SERINC3: variants seen among roughly 807,000 people sequenced by gnomAD.
The protein encoded by SERINC3 is tumor differentially expressed protein 1.
Under a neutral mutation model 52.1 loss-of-function variants are expected in SERINC3, and 22 were observed. The observed-to-expected ratio is 0.42, with a 90% CI of 0.30 to 0.60. SERINC3 has a LOEUF of 0.60. Ranked by LOEUF, SERINC3 falls within the 20% of genes least tolerant of loss-of-function variation. The pLI is 0.16. For synonymous variants in SERINC3, 226 were observed against 212.7 expected, an observed-to-expected ratio of 1.06 and a Z score of -0.54; for missense variants, 564 against 584.6, an observed-to-expected ratio of 0.96 and a Z score of 0.36.
rs2064265694 is a variant in SERINC3 at position 44,499,319 on chromosome 20, T to C, written c.*977A>G. On this transcript the variant is annotated 3_prime_UTR_variant, in exon 10 of 10. Coordinates refer to ENST00000342374, the MANE Select transcript of SERINC3 (RefSeq NM_006811.4). ...AAGTGTCTTACCTAGAGAAGGTATT[T>C]AGGACTTTTGAATAAATTCAAGACT... 6.6e-6 allele frequency: 1 copy of C among 152,374 alleles called. No individual in the cohort carries two copies. The highest frequency in any genetic ancestry group is 1.5e-5 in the Non-Finnish European group (1 of 68,036). The allele number at this position is 152,374 out of a possible 1,614,324, so 9.4% of individuals were successfully genotyped here. A position where few individuals can be genotyped will look rare whatever the true frequency, so the allele number is the denominator to read the frequency against.
At chr20:44,520,494 T>C (rs2064409184) in intron 1 of SERINC3, among the ~76,000 whole-genome samples, 1 of 152,312 alleles carries the variant, frequency 6.6e-6, no homozygotes, top group East Asian at 1.9e-4. Context: ...CCAAGTGAAT[T>C]AATACAGAAA....
intron 8 of SERINC3, among the ~76,000 whole-genome samples, chr20:44,502,880 A>G (rs991421374): frequency 1.3e-5 from 2 of 152,166 alleles, no homozygotes; most frequent in African/African-American, 4.8e-5. Flanking sequence ...TACAGGCATG[A>G]GCCACCATGC....
At position 44,512,923 on chromosome 20, in the gene SERINC3, C is replaced by T; in HGVS notation, c.273G>A (p.Val91=). The T allele has an allele frequency of 6.4e-7, 1 of 1,561,822 alleles. No homozygotes were observed. Among genetic ancestry groups the T allele is most frequent in the Non-Finnish European group, 8.6e-7 (1 of 1,162,510 alleles). Reference sequence around the variant, plus strand: ...GATACACAGCTTTATAACCAACCAGCACATCACAATCTTTATCTGCATTTA... The same window carrying T: ...GATACACAGCTTTATAACCAACCAGTACATCACAATCTTTATCTGCATTTA... ...ADINADKDCD[V]LVGYKAVYRI... Residue 91 remains valine, a synonymous_variant, in exon 3 of 10, where the codon GTG becomes GTA. Coordinates refer to ENST00000342374, the MANE Select transcript of SERINC3 (RefSeq NM_006811.4).
At chr20:44,514,526 G>A (rs904532725) in intron 1 of SERINC3, among the ~76,000 whole-genome samples, 4 of 152,288 alleles carry the variant, frequency 2.6e-5, no homozygotes, top group Admixed American at 6.5e-5. Context: ...TTGGGAGGCC[G>A]AGGCGGGTGG....
chr20:44,513,678 C>T (rs567568492), intron 2 of SERINC3, among the ~76,000 whole-genome samples: 7 of 152,150 alleles, frequency 4.6e-5, no homozygotes, highest in Admixed American at 3.3e-4. Context: ...CTCAGTTGTT[C>T]GACTGGAGCC....
intron 8 of SERINC3, among the ~76,000 whole-genome samples, chr20:44,503,365 A>G (rs1361667734): frequency 2.6e-5 from 4 of 152,166 alleles, no homozygotes; most frequent in Non-Finnish European, 5.9e-5. Context: ...AACTTACTAC[A>G]GGCTGGGCAT....
At chr20:44,511,658 C>T (rs181663277) in intron 3 of SERINC3, among the ~76,000 whole-genome samples, 88 of 152,306 alleles carry the variant, frequency 5.8e-4, no homozygotes, top group African/African-American at 2.0e-3. Flanking sequence ...ATTTTTCTAG[C>T]ATTCTGGGAG....
chr20:44,500,916 T>A (rs1279399173), intron 9 of SERINC3, among the ~76,000 whole-genome samples, 157 bp downstream of exon 9: 4 of 152,138 alleles, frequency 2.6e-5, no homozygotes, highest in Non-Finnish European at 5.9e-5. Context: ...AGAATTCCAA[T>A]GGGTTTTAAA....
chr20:44,521,640 G>A (rs2064417193), intron 1 of SERINC3, among the ~76,000 whole-genome samples: 1 of 152,236 alleles, frequency 6.6e-6, no homozygotes, highest in South Asian at 2.1e-4. Flanking sequence ...AGCTCCAGAG[G>A]AACCTAGTCA....
rs1044673910 is a variant in SERINC3 at position 44,498,080 on chromosome 20, G to A, written c.*2216C>T. 2 of 152,190 alleles carry A rather than the reference G, an allele frequency of 1.3e-5. No homozygotes were observed. Among genetic ancestry groups the A allele is most frequent in the African/African-American group, 2.4e-5 (1 of 41,444 alleles). The allele number at this position is 152,190 out of a possible 1,614,324, so 9.4% of individuals were successfully genotyped here. On this transcript the variant is annotated 3_prime_UTR_variant, in exon 10 of 10. Coordinates refer to ENST00000342374, the MANE Select transcript of SERINC3 (RefSeq NM_006811.4). ...AGTTTGATAGCCAGAAAACGGCAAA[G>A]CTGGGATGCAAACCCAAGCAGTCTG... is the stretch of plus-strand genomic sequence containing the variant.
chr20:44,500,501 C>T, intron 9 of SERINC3, 67 bp from the exon 10 acceptor site: 13 of 1,532,400 alleles, frequency 8.5e-6, no homozygotes, highest in Admixed American at 2.0e-5. Flanking sequence ...CCTCCTGCAG[C>T]CCCCCAGCCA....
rs182390878 is a variant in SERINC3, at chr20:44,519,137, C to G, written c.39+2776G>C. On this transcript the variant is annotated intron_variant, in intron 1 of 9. Coordinates refer to ENST00000342374, the MANE Select transcript of SERINC3 (RefSeq NM_006811.4). ...GAACCCAAAAGGCTGGAGGAAGATT[C>G]TTCCCAGCCTACACTGCTTTACCTT... 4.1e-4 allele frequency among the ~76,000 whole-genome samples: 62 copies of G among 152,284 alleles called. No homozygotes were observed. In the East Asian group the frequency reaches 0.012, roughly 29 times the overall value.
intron 1 of SERINC3, among the ~76,000 whole-genome samples, chr20:44,516,891 C>G (rs1240643923): frequency 6.6e-6 from 1 of 152,140 alleles, no homozygotes; most frequent in Admixed American, 6.5e-5. Context: ...GATTAGGAAA[C>G]TGCTTGAAAT....
Position 44,506,845 on chromosome 20 carries a change from C to A in SERINC3, c.765G>T (p.Ser255=). 1 of 1,568,520 alleles carries A rather than the reference C, an allele frequency of 6.4e-7. No homozygotes were observed. Among genetic ancestry groups the A allele is most frequent in the Non-Finnish European group, 8.6e-7 (1 of 1,160,984 alleles). Residue 255 remains serine (S), a synonymous_variant, in exon 6 of 10, where the codon TCG becomes TCT. Transcript: ENST00000342374. ...LILCVVASII[S]IHPKIQEHQP... is the part of the protein sequence containing the mutation. Reference sequence around the variant, plus strand: ...ATCATACCTGAATTTTTGGGTGGATCGATATAATAGAAGCCACAACGCAAA... The same window carrying A: ...ATCATACCTGAATTTTTGGGTGGATAGATATAATAGAAGCCACAACGCAAA...
chr20:44,497,111 A>G (rs908249857), downstream of SERINC3, among the ~76,000 whole-genome samples: 3 of 152,160 alleles, frequency 2.0e-5, no homozygotes, highest in Non-Finnish European at 2.9e-5. Context: ...CAGGGCCCCA[A>G]CCCGCATTCC....
chr20:44,498,111 C>T lies in SERINC3; in HGVS notation c.*2185G>A. The stretch of plus-strand genomic sequence containing the variant: ...ATGCAAACCCAAGCAGTCTGACTCC[C>T]AAGCCTCTTAACCATTCTTAAGAGA... On this transcript the variant is annotated 3_prime_UTR_variant, in exon 10 of 10. Coordinates refer to ENST00000342374, the MANE Select transcript of SERINC3 (RefSeq NM_006811.4). 1 of 152,222 alleles carries T rather than the reference C, an allele frequency of 6.6e-6. No homozygotes were observed. The highest frequency in any genetic ancestry group is 1.5e-5 in the Non-Finnish European group (1 of 68,054). The allele number at this position is 152,222 out of a possible 1,614,324, so 9.4% of individuals were successfully genotyped here. A position where few individuals can be genotyped will look rare whatever the true frequency, so the allele number is the denominator to read the frequency against.
chr20:44,496,463 T>C (rs1206760573), downstream of SERINC3: 3 of 152,288 alleles, frequency 2.0e-5, no homozygotes, highest in Non-Finnish European at 4.4e-5. Context: ...ACAGATCAAA[T>C]GCACAACTCA....
chr20:44,504,080 C>A, intron 7 of SERINC3, 85 bp from the exon 8 acceptor site: 1 of 1,134,260 alleles, frequency 8.8e-7, no homozygotes, highest in South Asian at 1.6e-5. Context: ...ACATATCATT[C>A]AGTCATGATG....
intron 3 of SERINC3, among the ~76,000 whole-genome samples, chr20:44,512,555 C>A (rs1258315619): frequency 2.0e-5 from 3 of 152,022 alleles, no homozygotes; most frequent in African/African-American, 7.2e-5. Flanking sequence ...CAATAAAAAT[C>A]TAAGAACATG....
Sources: allele counts gnomAD v4.1 joint callset (sites outside exome capture counted in the v4.1 genomes callset), GRCh38; gene constraint gnomAD v4.1.1; transcripts MANE v1.5; gene names NCBI Gene and HGNC (gene_info 2026-07-23, HGNC 2026-07-21).